Variants in MN1 observed in about 807,000 individuals in gnomAD.
The protein encoded by MN1 is transcriptional activator MN1.
MN1 carries 19 observed loss-of-function variants against 86.9 expected under a neutral mutation model. The observed-to-expected ratio is 0.22, with a 90% CI of 0.15 to 0.32. The LOEUF (loss-of-function observed/expected upper bound fraction) is 0.32, where lower values mean the gene tolerates loss of function less well. MN1 is among the 10% of genes least tolerant of loss of function. The pLI is 1.00. For synonymous variants in MN1, 928 were observed against 849.6 expected (o/e 1.09, Z -1.60); for missense variants, 1,841 against 1,862.0 (o/e 0.99, Z 0.21).
chr22:27,769,755 C>T (rs1399423944), intron 1 of MN1, among the ~76,000 whole-genome samples: 1 of 151,350 alleles, frequency 6.6e-6, no homozygotes, highest in African/African-American at 2.4e-5. Context: ...GGGGTTTCAC[C>T]GCGTTACCCA....
rs766490204 is a variant in MN1, at chr22:27,800,151, ACCC to A, written c.390_392del (p.Gly131del). The A allele has an allele frequency of 2.6e-6, 4 of 1,549,156 alleles. No homozygotes were observed. The Admixed American group carries it at 8.0e-5, about 31-fold the overall frequency. On this transcript the variant is annotated inframe_deletion, in exon 1 of 2. Transcript: ENST00000302326. ...CTGCGCCGCCGTAGCCGAGCAGGCG[ACCC>A]CCGTGCAGGCACGAGGCCCCGGGGT...
intron 1 of MN1, among the ~76,000 whole-genome samples, chr22:27,786,104 G>A (rs1035765274): frequency 1.3e-5 from 2 of 152,198 alleles, no homozygotes; most frequent in African/African-American, 4.8e-5. Flanking sequence ...GGGGGGTGCC[G>A]AAAACACCAT....
chr22:27,756,674 C>T (rs1932803920), intron 1 of MN1, among the ~76,000 whole-genome samples: 1 of 152,212 alleles, frequency 6.6e-6, no homozygotes, highest in African/African-American at 2.4e-5. Context: ...GAGATGACAG[C>T]TGGAAAGCCT....
At chr22:27,779,886 TCTC>T (rs1437665719) in intron 1 of MN1, among the ~76,000 whole-genome samples, 61 of 151,708 alleles carry the variant, frequency 4.0e-4, no homozygotes, top group Non-Finnish European at 8.1e-4. Flanking sequence ...GGAAACAGAG[TCTC>T]CCTGGACCAG....
chr22:27,779,775 G>A (rs897453851), intron 1 of MN1, among the ~76,000 whole-genome samples: 8 of 152,180 alleles, frequency 5.3e-5, no homozygotes, highest in African/African-American at 1.4e-4. Context: ...TCACCCAGGG[G>A]CCCAGGCCTC....
chr22:27,778,545 T>C (rs990302258), intron 1 of MN1, among the ~76,000 whole-genome samples: 1 of 152,248 alleles, frequency 6.6e-6, no homozygotes, highest in African/African-American at 2.4e-5. Flanking sequence ...TAGTGACGTC[T>C]GCAATGTGCC....
At chr22:27,782,955 A>G (rs1165458484) in intron 1 of MN1, among the ~76,000 whole-genome samples, 3 of 152,092 alleles carry the variant, frequency 2.0e-5, no homozygotes, top group African/African-American at 7.2e-5. Context: ...GAGATCACCC[A>G]GCTCGGAAGA....
Position 27,800,702 on chromosome 22 carries a change from C to CG in MN1, c.-160dup, listed in dbSNP as rs1356634572. 8.6e-6 allele frequency: 7 copies of CG among 813,154 alleles called. No individual in the cohort carries two copies. In the East Asian group the frequency reaches 1.6e-4, roughly 19 times the overall value. The allele number at this position is 813,154 out of a possible 1,614,324, so 50.4% of individuals were successfully genotyped here. A position where few individuals can be genotyped will look rare whatever the true frequency, so the allele number is the denominator to read the frequency against. The stretch of plus-strand genomic sequence containing the variant: ...CCTCCACCCCGCCTGATGTGAGGGA[C>CG]GGGGGGCGGGGTATTAGCTCCTCTC... On this transcript the variant is annotated 5_prime_UTR_variant, in exon 1 of 2. Coordinates refer to ENST00000302326, the MANE Select transcript of MN1 (RefSeq NM_002430.3).
intron 1 of MN1, among the ~76,000 whole-genome samples, chr22:27,760,086 A>C (rs1413392408): frequency 6.6e-6 from 1 of 152,214 alleles, no homozygotes; most frequent in Non-Finnish European, 1.5e-5. Flanking sequence ...GTGGTGGCTC[A>C]CACCTGTAAT....
chr22:27,775,408 A>C (rs1296032922), intron 1 of MN1, among the ~76,000 whole-genome samples: 1 of 152,096 alleles, frequency 6.6e-6, no homozygotes, highest in African/African-American at 2.4e-5. Context: ...CGTCCACTCC[A>C]ACCTATTAGC....
At chr22:27,761,767 C>A (rs576481822) in intron 1 of MN1, among the ~76,000 whole-genome samples, 1 of 152,216 alleles carries the variant, frequency 6.6e-6, no homozygotes, top group African/African-American at 2.4e-5. Flanking sequence ...TCGCGCCGGC[C>A]GCTGCAGCAG....
chr22:27,781,783 C>T, intron 1 of MN1, among the ~76,000 whole-genome samples: 1 of 152,138 alleles, frequency 6.6e-6, no homozygotes, highest in East Asian at 1.9e-4. Context: ...AGCCAGGATT[C>T]GATCCCAGGC....
intron 1 of MN1, among the ~76,000 whole-genome samples, chr22:27,751,707 C>T (rs1021598594): frequency 2.0e-5 from 3 of 152,080 alleles, no homozygotes; most frequent in East Asian, 1.9e-4. Flanking sequence ...TGACTTGCCC[C>T]GAGTCACACA....
Position 27,799,544 on chromosome 22 carries a change from T to C in MN1, c.1000A>G (p.Arg334Gly). Residue 334 changes from arginine to glycine, a missense_variant, in exon 1 of 2, where the codon AGG becomes GGG. Transcript: ENST00000302326. ...PVGLEPSVGS[R>G]HPLMQPPQQA... is the part of the protein sequence containing the mutation. ...TGGGGAGGCTGCATTAACGGGTGCC[T>C]GGAGCCCACTGAGGGCTCCAGACCC... 1.4e-6 allele frequency: 2 copies of C among 1,460,518 alleles called. No homozygotes were observed. The highest frequency in any genetic ancestry group is 1.8e-6 in the Non-Finnish European group (2 of 1,104,938). 90.5% of individuals were successfully genotyped at this position (1,460,518 alleles called of 1,614,324 possible).
At chr22:27,767,618 A>C (rs1932879583) in intron 1 of MN1, among the ~76,000 whole-genome samples, 1 of 152,056 alleles carries the variant, frequency 6.6e-6, no homozygotes, top group South Asian at 2.1e-4. Context: ...TTCCCAACCA[A>C]CATGCCACCC....
chr22:27,775,426 G>A (rs1399834745), intron 1 of MN1, among the ~76,000 whole-genome samples: 1 of 152,156 alleles, frequency 6.6e-6, no homozygotes, highest in African/African-American at 2.4e-5. Flanking sequence ...AGCAGCTGGG[G>A]AACTCAGCAC....
chr22:27,800,198 C>A lies in MN1; in HGVS notation c.346G>T (p.Gly116Cys). The A allele has an allele frequency of 6.4e-7, 1 of 1,556,932 alleles. No homozygotes were observed. Among genetic ancestry groups the A allele is most frequent in the Non-Finnish European group, 8.7e-7 (1 of 1,154,616 alleles). Residue 116 changes from glycine (G) to cysteine (C), a missense_variant, in exon 1 of 2, where the codon GGC (glycine) becomes TGC (cysteine). Transcript: ENST00000302326. The stretch of plus-strand genomic sequence containing the variant: ...CCGGGGTCCGGGCCACCGAAGTTGC[C>A]CCCAAAGTGGGGGTGATGCTGGTGG... Reference protein sequence around the residue: ...HPHQHHPHFGGNFGGPDPGAS... With the variant: ...HPHQHHPHFGCNFGGPDPGAS...
At chr22:27,771,142 C>G (rs1414641501) in intron 1 of MN1, among the ~76,000 whole-genome samples, 1 of 149,972 alleles carries the variant, frequency 6.7e-6, no homozygotes, top group Non-Finnish European at 1.5e-5. Context: ...CACCATCTGA[C>G]TTTTGGATCT....
chr22:27,766,044 C>T (rs916054607), intron 1 of MN1, among the ~76,000 whole-genome samples: 1 of 152,202 alleles, frequency 6.6e-6, no homozygotes, highest in Non-Finnish European at 1.5e-5. Context: ...CCCCAACTTG[C>T]TTTCCCTCTG....
Sources: gnomAD v4.1 joint callset for allele counts (sites outside exome capture counted in the v4.1 genomes callset) on GRCh38, gnomAD v4.1.1 for gene constraint, MANE v1.5 for transcripts, NCBI Gene and HGNC (gene_info 2026-07-23, HGNC 2026-07-21) for gene names.